The following MTMR14 variants were observed in gnomAD, a reference collection of about 807,000 sequenced individuals.
MTMR14 encodes the protein myotubularin related protein 14.
In MTMR14, 48 loss-of-function variants were observed where a neutral mutation model predicts 86.3. That is an observed-to-expected ratio of 0.56 (90% CI 0.44 to 0.71). MTMR14 has a LOEUF of 0.71. MTMR14 is among the 30% of genes least tolerant of loss of function. MTMR14 has a pLI of 0.00. For missense variants in MTMR14, 780 were observed against 834.6 expected, an observed-to-expected ratio of 0.93 and a Z score of 0.81; for synonymous variants, 366 against 326.1, an observed-to-expected ratio of 1.12 and a Z score of -1.32.
At chr3:9,658,291 T>C (rs1334696572) in intron 2 of MTMR14, among the ~76,000 whole-genome samples, 1 of 152,162 alleles carries the variant, frequency 6.6e-6, no homozygotes, top group Non-Finnish European at 1.5e-5. Flanking sequence ...CAGGGTAGAA[T>C]TGGATTTAAG....
intron 2 of MTMR14, among the ~76,000 whole-genome samples, chr3:9,655,549 C>T (rs1312609654): frequency 7.0e-6 from 1 of 141,952 alleles, no homozygotes; most frequent in Non-Finnish European, 1.5e-5. Flanking sequence ...CAACCTCTGC[C>T]TCCCGGGTTC....
chr3:9,672,748 C>T lies in MTMR14; in HGVS notation c.741C>T (p.Ile247=). Residue 247 remains isoleucine (I), a synonymous_variant, in exon 7 of 19, where the codon ATC becomes ATT. Coordinates refer to ENST00000296003, the MANE Select transcript of MTMR14 (RefSeq NM_001077525.3). ...QRYADFTLLS[I]PYPGCEFFKE... is the part of the protein sequence containing the mutation. ...ATGCCGACTTCACTCTCCTCTCCAT[C>T]CCGTATCCAGGTAGGGGGCTCTCTT... 1 of 1,614,202 alleles carries T rather than the reference C, an allele frequency of 6.2e-7. No individual in the cohort carries two copies. The highest frequency in any genetic ancestry group is 8.5e-7 in the Non-Finnish European group (1 of 1,180,016).
In MTMR14 at chr3:9,662,272, A is replaced by T. The variant is rs1559566118; in HGVS notation, c.314A>T (p.Glu105Val). 6.2e-7 allele frequency: 1 copy of T among 1,612,956 alleles called. No individual in the cohort carries two copies. The highest frequency in any genetic ancestry group is 1.3e-5 in the African/African-American group (1 of 74,586). ...ESSEKEKDTF[E>V]STVQVSKLQD... ...TTCTCTTGCCTGTGTGTTAGGTTTG[A>T]GAGTACCGTACAGGTGAGCAAGTTG... The change falls in exon 3 of 19, where the codon GAG becomes GTG. Residue 105 changes from glutamate to valine, a missense_variant. Physicochemically the swap from Glu to Val is moderately radical, Grantham distance 121 (BLOSUM62 -2). Transcript: ENST00000296003.
chr3:9,649,938 G>A lies in MTMR14; in HGVS notation c.159+196G>A, dbSNP rs184415653. On this transcript the variant is annotated intron_variant, in intron 1 of 18. Coordinates refer to ENST00000296003, the MANE Select transcript of MTMR14 (RefSeq NM_001077525.3). ...TGACAACCATAAAAGGAGGAACTGGGGTCAGAATGAGCCCAGCAAAGAGGT... is the reference window on the plus strand; with the variant it reads ...TGACAACCATAAAAGGAGGAACTGGAGTCAGAATGAGCCCAGCAAAGAGGT... Among the ~76,000 whole-genome samples the A allele has an allele frequency of 3.1e-3, 478 of 152,192 alleles. 2 individuals are homozygous for A. Among genetic ancestry groups the A allele is most frequent in the Non-Finnish European group, 5.5e-3 (376 of 68,000 alleles).
Position 9,684,568 on chromosome 3 carries a change from C to T in MTMR14, c.965-17C>T, listed in dbSNP as rs1303023002. The T allele has an allele frequency of 6.2e-7, 1 of 1,613,874 alleles. No individual in the cohort carries two copies. Among genetic ancestry groups the T allele is most frequent in the Non-Finnish European group, 8.5e-7 (1 of 1,179,788 alleles). Reference sequence around the variant, plus strand: ...CTGGTTCTCTCCTGGGCATCCTCTCCTGCGGTTCCTGAGTAGATGACAGCG... The same window carrying T: ...CTGGTTCTCTCCTGGGCATCCTCTCTTGCGGTTCCTGAGTAGATGACAGCG... On this transcript the variant is annotated splice_polypyrimidine_tract_variant and intron_variant, in intron 10 of 18. Coordinates refer to ENST00000296003, the MANE Select transcript of MTMR14 (RefSeq NM_001077525.3).
At chr3:9,685,765 TCTC>T (rs1178387020) in intron 13 of MTMR14, among the ~76,000 whole-genome samples, 1 of 152,146 alleles carries the variant, frequency 6.6e-6, no homozygotes, top group African/African-American at 2.4e-5. Context: ...CTCAGCACTC[TCTC>T]CCCCATGCCT....
At chr3:9,663,976 A>G (rs2048103588) in intron 3 of MTMR14, among the ~76,000 whole-genome samples, 1 of 150,848 alleles carries the variant, frequency 6.6e-6, no homozygotes. Flanking sequence ...TTTAGTAGAG[A>G]CGGGGTTTCG....
chr3:9,671,309 C>T, intron 6 of MTMR14, 139 bp downstream of exon 6: 1 of 1,205,206 alleles, frequency 8.3e-7, no homozygotes. Flanking sequence ...TATCTTCAGA[C>T]AGCCCTGCAA....
intron 3 of MTMR14, among the ~76,000 whole-genome samples, chr3:9,666,900 A>G (rs996747279): frequency 3.3e-5 from 5 of 152,232 alleles, no homozygotes; most frequent in East Asian, 1.9e-4. Flanking sequence ...CCATGAGGCA[A>G]AGGAACAGGT....
chr3:9,688,582 TCCA>T, intron 14 of MTMR14, 111 bp from the exon 15 acceptor site: 1 of 1,225,040 alleles, frequency 8.2e-7, no homozygotes, highest in Non-Finnish European at 1.2e-6. Flanking sequence ...AGGACCCGTC[TCCA>T]CAAGTTGCCA....
At chr3:9,669,895 C>T (rs2048476202) in intron 5 of MTMR14, among the ~76,000 whole-genome samples, 1 of 152,206 alleles carries the variant, frequency 6.6e-6, no homozygotes, top group Admixed American at 6.5e-5. Context: ...AGGGCAAGGG[C>T]TACAGTCCAT....
At position 9,671,106 on chromosome 3, in the gene MTMR14, T is replaced by C. The variant is rs1434700032; in HGVS notation, c.613T>C (p.Tyr205His). ...AGGCTATGACATCAAGCTGCTTCGA[T>C]ACCTGTCAGTCAAATACATCTGTGA... ...VRGYDIKLLR[Y>H]LSVKYICDLM... Residue 205 changes from tyrosine (Y) to histidine (H), a missense_variant, in exon 6 of 19, where the codon TAC becomes CAC. Coordinates refer to ENST00000296003, the MANE Select transcript of MTMR14 (RefSeq NM_001077525.3). 6.2e-7 allele frequency: 1 copy of C among 1,614,242 alleles called. No homozygotes were observed. Among genetic ancestry groups the C allele is most frequent in the Non-Finnish European group, 8.5e-7 (1 of 1,180,038 alleles).
At position 9,662,625 on chromosome 3, in the gene MTMR14, ACT is replaced by A. The variant is rs1027616257; in HGVS notation, c.417+253_417+254del. On this transcript the variant is annotated intron_variant, in intron 3 of 18. Coordinates refer to ENST00000296003, the MANE Select transcript of MTMR14 (RefSeq NM_001077525.3). ...CCAGACTGCCTAGGTTCAGATCCTG[ACT>A]CTTATTTCCTGCCTATGCAGAGCCT... Among the ~76,000 whole-genome samples, 5 of 152,052 alleles carry A rather than the reference ACT, an allele frequency of 3.3e-5. 1 individual carries two copies. The highest frequency in any genetic ancestry group is 1.2e-4 in the African/African-American group (5 of 41,466).
At chr3:9,676,959 G>A (rs917323371) in intron 7 of MTMR14, among the ~76,000 whole-genome samples, 1 of 152,232 alleles carries the variant, frequency 6.6e-6, no homozygotes, top group Admixed American at 6.5e-5. Flanking sequence ...CACGTTGTGA[G>A]TCATGCCTTT....
At chr3:9,681,552 G>A (rs2075769194) in intron 9 of MTMR14, among the ~76,000 whole-genome samples, 1 of 152,198 alleles carries the variant, frequency 6.6e-6, no homozygotes, top group South Asian at 2.1e-4. Flanking sequence ...ATGAGTAGGA[G>A]TTTACCAACC....
intron 10 of MTMR14, chr3:9,683,600 T>C (rs2125259494): frequency 3.4e-6 from 1 of 295,436 alleles, no homozygotes; most frequent in South Asian, 3.2e-5. Flanking sequence ...GGCTGCTCAG[T>C]GGATGCACAC....
chr3:9,655,227 C>T (rs708566), intron 2 of MTMR14, among the ~76,000 whole-genome samples: 10 of 151,714 alleles, frequency 6.6e-5, no homozygotes, highest in Admixed American at 2.6e-4. Flanking sequence ...ACTAGCTGGG[C>T]GTGGTGGTGG....
intron 17 of MTMR14, among the ~76,000 whole-genome samples, chr3:9,691,880 T>C (rs1356968993): frequency 1.3e-5 from 2 of 151,852 alleles, no homozygotes; most frequent in African/African-American, 4.8e-5. Flanking sequence ...CTTTGAAAGG[T>C]GTGGGGTGGG....
At chr3:9,659,777 T>C (rs1038195936) in intron 2 of MTMR14, 9 of 456,588 alleles carry the variant, frequency 2.0e-5, no homozygotes, top group African/African-American at 1.8e-4. Context: ...GGGGAACCGG[T>C]AAAGGAACCA....
Sources: gnomAD v4.1 joint callset for allele counts (sites outside exome capture counted in the v4.1 genomes callset) on GRCh38, gnomAD v4.1.1 for gene constraint, MANE v1.5 for transcripts, NCBI Gene and HGNC (gene_info 2026-07-23, HGNC 2026-07-21) for gene names.